ASCC3: variants seen among roughly 807,000 people sequenced by gnomAD.
ASCC3 encodes the protein ASC-1 complex subunit P200.
A neutral mutation model predicts 256.3 loss-of-function variants in ASCC3; 158 were observed. The ratio of observed to expected loss-of-function variants is 0.62; its 90% CI spans 0.54 to 0.70. The LOEUF (loss-of-function observed/expected upper bound fraction) is 0.70, where lower values mean the gene tolerates loss of function less well. ASCC3 is among the 30% of genes least tolerant of loss of function. The probability of loss-of-function intolerance (pLI) is 0.00; values close to 1 mark genes in which losing one functional copy is unlikely to be tolerated. For missense variants in ASCC3, 2,259 were observed against 2,626.0 expected (o/e 0.86, Z 3.05); for synonymous variants, 948 against 883.4 (o/e 1.07, Z -1.30).
At chr6:100,776,610 T>C (rs1263595203) in intron 8 of ASCC3, among the ~76,000 whole-genome samples, 1 of 152,090 alleles carries the variant, frequency 6.6e-6, no homozygotes, top group Non-Finnish European at 1.5e-5. Flanking sequence ...ATCCATTTAT[T>C]AAATACTGGT....
intron 30 of ASCC3, 48 bp from the exon 31 acceptor site, chr6:100,607,136 T>C: frequency 1.9e-6 from 3 of 1,575,704 alleles, no homozygotes; most frequent in East Asian, 4.5e-5. Flanking sequence ...AACTTTAAAA[T>C]TTTCATTAAT....
At position 100,864,048 on chromosome 6, in the gene ASCC3, A is replaced by T; in HGVS notation, c.241+16T>A. ...GGTTCTCTTTAAAAAAAAAAAAGAAAAAAAGAAAACTATACCTATCTGCTT... is the reference window on the plus strand; with the variant it reads ...GGTTCTCTTTAAAAAAAAAAAAGAATAAAAGAAAACTATACCTATCTGCTT... On this transcript the variant is annotated intron_variant, in intron 3 of 41. Transcript: ENST00000369162. 1 of 1,523,878 alleles carries T rather than the reference A, an allele frequency of 6.6e-7. No homozygotes were observed. The highest frequency in any genetic ancestry group is 2.3e-5 in the East Asian group (1 of 44,264). 94.4% of individuals were successfully genotyped at this position (1,523,878 alleles called of 1,614,324 possible).
At chr6:100,516,519 C>G (rs1228978136) in intron 38 of ASCC3, among the ~76,000 whole-genome samples, 192 bp from the exon 39 acceptor site, 1 of 152,074 alleles carries the variant, frequency 6.6e-6, no homozygotes, top group Non-Finnish European at 1.5e-5. Context: ...ACTGTTATCA[C>G]TGCATCAAAT....
intron 36 of ASCC3, among the ~76,000 whole-genome samples, chr6:100,551,175 C>T (rs1200764357): frequency 6.6e-6 from 1 of 151,934 alleles, no homozygotes; most frequent in East Asian, 1.9e-4. Flanking sequence ...TCTTACTGGG[C>T]TGGGTAGCTT....
At chr6:100,590,419 T>C (rs1771944658) in intron 34 of ASCC3, among the ~76,000 whole-genome samples, 1 of 152,170 alleles carries the variant, frequency 6.6e-6, no homozygotes, top group African/African-American at 2.4e-5. Context: ...CACCTGAATG[T>C]GCATCCCTGC....
At chr6:100,557,304 T>A (rs1226245590) in intron 36 of ASCC3, among the ~76,000 whole-genome samples, 1 of 152,200 alleles carries the variant, frequency 6.6e-6, no homozygotes, top group Non-Finnish European at 1.5e-5. Flanking sequence ...CCTTTAAGTA[T>A]GCTTTAGCTG....
At chr6:100,864,998 G>C (rs184860578) in intron 2 of ASCC3, among the ~76,000 whole-genome samples, 4 of 152,168 alleles carry the variant, frequency 2.6e-5, no homozygotes, top group Non-Finnish European at 5.9e-5. Context: ...TAGTGGGTCA[G>C]GTAGAAAGCA....
intron 37 of ASCC3, among the ~76,000 whole-genome samples, chr6:100,529,777 G>T (rs957664597): frequency 6.6e-6 from 1 of 152,098 alleles, no homozygotes; most frequent in Admixed American, 6.5e-5. Flanking sequence ...AGCTGTTTTT[G>T]CCTTCTGATG....
chr6:100,837,633 T>C (rs1771939690), intron 4 of ASCC3, among the ~76,000 whole-genome samples: 1 of 152,046 alleles, frequency 6.6e-6, no homozygotes, highest in African/African-American at 2.4e-5. Flanking sequence ...CCGGGCACAG[T>C]AAGACAAATA....
At chr6:100,726,547 AG>A (rs1779636815) in intron 10 of ASCC3, among the ~76,000 whole-genome samples, 1 of 152,018 alleles carries the variant, frequency 6.6e-6, no homozygotes. Context: ...GCATCATGTC[AG>A]CACTCAGAAA....
At chr6:100,818,132 A>C (rs973890975) in intron 4 of ASCC3, among the ~76,000 whole-genome samples, 2 of 152,230 alleles carry the variant, frequency 1.3e-5, no homozygotes, top group African/African-American at 4.8e-5. Context: ...ATATCAATAG[A>C]ATTTAAAAAA....
At chr6:100,759,160 T>C (rs974958773) in intron 10 of ASCC3, among the ~76,000 whole-genome samples, 1 of 152,174 alleles carries the variant, frequency 6.6e-6, no homozygotes, top group Non-Finnish European at 1.5e-5. Context: ...ATGGGTAGAT[T>C]GCAAAAATTT....
At chr6:100,668,752 A>G (rs1163197505) in intron 14 of ASCC3, among the ~76,000 whole-genome samples, 1 of 151,990 alleles carries the variant, frequency 6.6e-6, no homozygotes, top group Non-Finnish European at 1.5e-5. Context: ...ATGCAAGGGC[A>G]TTGTACTTAA....
At chr6:100,775,046 A>G in intron 8 of ASCC3, among the ~76,000 whole-genome samples, 1 of 152,122 alleles carries the variant, frequency 6.6e-6, no homozygotes, top group East Asian at 1.9e-4. Context: ...CATATGCTAC[A>G]CTGAAGGAGC....
intron 30 of ASCC3, among the ~76,000 whole-genome samples, chr6:100,612,467 T>A (rs1342046096): frequency 6.6e-6 from 1 of 152,114 alleles, no homozygotes; most frequent in Non-Finnish European, 1.5e-5. Flanking sequence ...TTTCAAAGCA[T>A]GTCAGACTCA....
chr6:100,828,419 A>C (rs563552885), intron 4 of ASCC3, among the ~76,000 whole-genome samples: 3 of 152,286 alleles, frequency 2.0e-5, no homozygotes, highest in Admixed American at 6.5e-5. Flanking sequence ...AAACTGCAGA[A>C]TATCAAACCC....
intron 34 of ASCC3, among the ~76,000 whole-genome samples, chr6:100,597,456 T>C (rs1376924257): frequency 6.6e-6 from 1 of 152,154 alleles, no homozygotes; most frequent in Admixed American, 6.5e-5. Context: ...GAAGTCATTA[T>C]TTATGTTGCT....
intron 20 of ASCC3, among the ~76,000 whole-genome samples, chr6:100,647,848 T>G (rs1001648732): frequency 1.3e-5 from 2 of 151,950 alleles, no homozygotes; most frequent in Admixed American, 1.3e-4. Flanking sequence ...TTTAGAGGAT[T>G]AAGGAAGACT....
chr6:100,566,366 G>C (rs896528658), intron 36 of ASCC3, among the ~76,000 whole-genome samples: 4 of 152,036 alleles, frequency 2.6e-5, no homozygotes, highest in African/African-American at 4.8e-5. Context: ...GCTGAGATTC[G>C]AACCCATGTT....
Sources: gnomAD v4.1 joint callset for allele counts (sites outside exome capture counted in the v4.1 genomes callset) on GRCh38, gnomAD v4.1.1 for gene constraint, MANE v1.5 for transcripts, NCBI Gene and HGNC (gene_info 2026-07-23, HGNC 2026-07-21) for gene names.